The following ERICH1 variants were observed in gnomAD, a reference collection of about 807,000 sequenced individuals.
The protein encoded by ERICH1 is glutamate rich 1, also known as glutamate-rich protein 1.
In ERICH1, 56 loss-of-function variants were observed where a neutral mutation model predicts 39.6. That is an observed-to-expected ratio of 1.41 (90% CI 1.14 to 1.77). The LOEUF (loss-of-function observed/expected upper bound fraction) is 1.77. Ranked by LOEUF, ERICH1 falls within the 40% of genes most tolerant of loss-of-function variation. The pLI is 0.00. For synonymous variants in ERICH1, 313 were observed against 223.6 expected (o/e 1.40, Z -3.57); for missense variants, 826 against 575.4 (o/e 1.44, Z -4.45).
At chr8:637,229 TGG>T (rs1379213959) in intron 3 of ERICH1, among the ~76,000 whole-genome samples, 1 of 152,156 alleles carries the variant, frequency 6.6e-6, no homozygotes, top group African/African-American at 2.4e-5. Context: ...AAACACCCGG[TGG>T]GGTTCTGCAA....
In ERICH1 at chr8:644,868, C is replaced by G. The variant is rs1253140402; in HGVS notation, c.976+23730G>C. On this transcript the variant is annotated intron_variant, in intron 3 of 3. Coordinates refer to the ERICH1 transcript ENST00000522706. ...TGTGTGTTTTGGGCTCAGCCCTGCA[C>G]CCACTTCCCAGCAAGCCCAACAGAT... Among the ~76,000 whole-genome samples the G allele has an allele frequency of 2.9e-5, 2 of 68,810 alleles. 1 individual carries two copies. The highest frequency in any genetic ancestry group is 9.1e-5 in the Non-Finnish European group (2 of 21,954). The allele number at this position is 68,810 out of a possible 152,430, so 45.1% of individuals were successfully genotyped here.
At chr8:623,409 T>A (rs989599222) in intron 3 of ERICH1, among the ~76,000 whole-genome samples, 6 of 152,210 alleles carry the variant, frequency 3.9e-5, no homozygotes, top group Non-Finnish European at 7.3e-5. Flanking sequence ...TGCTTATGTT[T>A]ATGGTCAATT....
intron 2 of ERICH1, among the ~76,000 whole-genome samples, chr8:708,971 A>C (rs1394461743): frequency 6.6e-6 from 1 of 152,088 alleles, no homozygotes; most frequent in Non-Finnish European, 1.5e-5. Context: ...CTGTGATAAC[A>C]GGGTGAGCCA....
At chr8:674,838 T>C (rs1388398044) in intron 3 of ERICH1, among the ~76,000 whole-genome samples, 1 of 152,230 alleles carries the variant, frequency 6.6e-6, no homozygotes, top group African/African-American at 2.4e-5. Flanking sequence ...AGGTGGTTTA[T>C]AAATAGCATA....
chr8:728,128 G>A (rs533573215), intron 1 of ERICH1, among the ~76,000 whole-genome samples: 19 of 152,304 alleles, frequency 1.2e-4, no homozygotes, highest in African/African-American at 4.3e-4. Flanking sequence ...TGCCTCCTCC[G>A]GAAATGTCCC....
chr8:701,426 G>A (rs1467447899), intron 2 of ERICH1, among the ~76,000 whole-genome samples: 1 of 152,216 alleles, frequency 6.6e-6, no homozygotes, highest in Non-Finnish European at 1.5e-5. Flanking sequence ...TTACCCACGG[G>A]TGTGCCCTGC....
intron 3 of ERICH1, among the ~76,000 whole-genome samples, chr8:637,958 A>T (rs1475912570): frequency 6.6e-6 from 1 of 152,250 alleles, no homozygotes; most frequent in Non-Finnish European, 1.5e-5. Flanking sequence ...GATTCAACAG[A>T]TGCACCTTTA....
intron 3 of ERICH1, among the ~76,000 whole-genome samples, chr8:635,545 AG>A (rs1798362101): frequency 6.6e-6 from 1 of 152,184 alleles, no homozygotes; most frequent in East Asian, 1.9e-4. Context: ...CACAGCCCGC[AG>A]GCGGCACAGC....
rs545943659 is a variant in ERICH1 at position 684,463 on chromosome 8, GTTT to G, written c.304+8012_304+8014del. 4.0e-3 allele frequency among the ~76,000 whole-genome samples: 102 copies of G among 25,348 alleles called. 2 individuals carry two copies. The East Asian group carries it at 0.34, about 85-fold the overall frequency. 16.6% of individuals were successfully genotyped at this position (25,348 alleles called of 152,430 possible). A position where few individuals can be genotyped will look rare whatever the true frequency, so the allele number is the denominator to read the frequency against. On this transcript the variant is annotated intron_variant, in intron 3 of 5. Coordinates refer to ENST00000262109, the MANE Select transcript of ERICH1 (RefSeq NM_207332.3). Reference sequence around the variant, plus strand: ...GTGTGAGGCTCTGAAACTGTGAAGTGTTTTGTAAATATTCTTCATTGACTTGGA... The same window carrying G: ...GTGTGAGGCTCTGAAACTGTGAAGTGTGTAAATATTCTTCATTGACTTGGA...
intron 2 of ERICH1, among the ~76,000 whole-genome samples, chr8:694,091 AAAC>A (rs1439289098): frequency 6.6e-6 from 1 of 152,350 alleles, no homozygotes; most frequent in East Asian, 1.9e-4. Context: ...TTGATTTTGA[AAAC>A]AACAATGACA....
chr8:687,982 G>GCCCGGGTCCCGAGCCCCGACCGCAGC (rs1807876295), intron 3 of ERICH1, among the ~76,000 whole-genome samples: 1 of 152,150 alleles, frequency 6.6e-6, no homozygotes, highest in Non-Finnish European at 1.5e-5. Context: ...CGAGAGACCT[G>GCCCGGGTCCCGAGCCCCGACCGCAGC]CCCGGGTCCC....
intron 3 of ERICH1, among the ~76,000 whole-genome samples, chr8:685,342 G>A (rs568325123): frequency 2.0e-5 from 3 of 152,276 alleles, no homozygotes; most frequent in South Asian, 2.1e-4. Context: ...CCTGAACATC[G>A]CTGTTATCCT....
intron 2 of ERICH1, among the ~76,000 whole-genome samples, chr8:715,033 G>C (rs909235989): frequency 3.6e-4 from 54 of 151,792 alleles, no homozygotes; most frequent in African/African-American, 1.3e-3. Context: ...CACCCAGGTG[G>C]TCTATTCCCG....
At chr8:642,802 G>C (rs766427614) in intron 3 of ERICH1, among the ~76,000 whole-genome samples, 2 of 152,008 alleles carry the variant, frequency 1.3e-5, no homozygotes, top group African/African-American at 2.4e-5. Context: ...GATGTGTGCC[G>C]CACACCCAGG....
intron 3 of ERICH1, among the ~76,000 whole-genome samples, chr8:620,157 C>A (rs368289976): frequency 1.0e-3 from 152 of 151,300 alleles, no homozygotes; most frequent in African/African-American, 3.5e-3. Flanking sequence ...ACTAAAAATA[C>A]AAAAATTAGC....
intron 2 of ERICH1, among the ~76,000 whole-genome samples, chr8:713,171 C>T (rs1486126500): frequency 2.0e-5 from 3 of 152,252 alleles, no homozygotes; most frequent in Non-Finnish European, 2.9e-5. Flanking sequence ...GATTAGGGTG[C>T]ACCCTGACGA....
At chr8:662,115 G>T (rs1301480164), downstream of ERICH1, among the ~76,000 whole-genome samples, 1 of 151,822 alleles carries the variant, frequency 6.6e-6, no homozygotes, top group African/African-American at 2.4e-5. Context: ...GGATTCTGTG[G>T]AACCCAGGAA....
intron 3 of ERICH1, among the ~76,000 whole-genome samples, chr8:637,033 C>T (rs1045887640): frequency 6.6e-6 from 1 of 152,240 alleles, no homozygotes; most frequent in East Asian, 1.9e-4. Context: ...GCGTCCAAAC[C>T]AGCTCACCAA....
At chr8:631,587 A>T (rs1248999314) in intron 3 of ERICH1, among the ~76,000 whole-genome samples, 1 of 152,148 alleles carries the variant, frequency 6.6e-6, no homozygotes, top group African/African-American at 2.4e-5. Context: ...CACAATAGAC[A>T]CTGCCAGGGA....
Sources: gnomAD v4.1 joint callset for allele counts (sites outside exome capture counted in the v4.1 genomes callset) on GRCh38, gnomAD v4.1.1 for gene constraint, MANE v1.5 for transcripts, NCBI Gene and HGNC (gene_info 2026-07-23, HGNC 2026-07-21) for gene names.